EPHA7: variants seen among roughly 807,000 people sequenced by gnomAD.
The protein encoded by EPHA7 is EPH receptor A7, also known as ephrin type-A receptor 7.
In EPHA7, 25 loss-of-function variants were observed where a neutral mutation model predicts 112.6. The ratio of observed to expected loss-of-function variants is 0.22; its 90% CI spans 0.16 to 0.31. The LOEUF is 0.31. EPHA7 is among the 10% of genes least tolerant of loss of function. EPHA7 has a pLI of 1.00. For missense variants in EPHA7, 962 were observed against 1,212.6 expected, an observed-to-expected ratio of 0.79 and a Z score of 3.07; for synonymous variants, 437 against 406.5, an observed-to-expected ratio of 1.07 and a Z score of -0.90.
At chr6:93,411,276 A>G in intron 2 of EPHA7, 106 bp from the exon 3 acceptor site, 14 of 880,950 alleles carry the variant, frequency 1.6e-5, no homozygotes, top group Non-Finnish European at 2.5e-5. Flanking sequence ...AGTTAGGTTG[A>G]TTCCTATGCT....
chr6:93,417,881 C>T (rs1582705606), intron 1 of EPHA7, among the ~76,000 whole-genome samples: 1 of 151,956 alleles, frequency 6.6e-6, no homozygotes, highest in African/African-American at 2.4e-5. Context: ...GAAGGTCAGG[C>T]TGAAAGAAGG....
intron 12 of EPHA7, among the ~76,000 whole-genome samples, chr6:93,257,076 T>C (rs1018965215): frequency 1.3e-5 from 2 of 152,150 alleles, no homozygotes; most frequent in East Asian, 3.8e-4. Context: ...GAAATGGTTC[T>C]ACAGAGCAGA....
chr6:93,258,134 G>A lies in EPHA7; in HGVS notation c.2075C>T (p.Pro692Leu), dbSNP rs770820190. ...AACCCCTTCCAAATGGACAACATTC[G>A]GGTGGTCAAACTGCCCCATGATGCT... ...EASIMGQFDH[P>L]NVVHLEGVVT... The change falls in exon 11 of 17, where the codon CCG becomes CTG. Residue 692 changes from proline to leucine, a missense_variant. Physicochemically the swap from Pro to Leu is moderately conservative, Grantham distance 98 (BLOSUM62 -3). Transcript: ENST00000369303. 1.9e-6 allele frequency: 3 copies of A among 1,613,146 alleles called. No individual in the cohort carries two copies. The highest frequency in any genetic ancestry group is 2.5e-6 in the Non-Finnish European group (3 of 1,179,596).
intron 5 of EPHA7, among the ~76,000 whole-genome samples, chr6:93,353,169 C>T (rs1295025821): frequency 6.6e-6 from 1 of 151,980 alleles, no homozygotes; most frequent in Non-Finnish European, 1.5e-5. Context: ...AAATTAAATA[C>T]ATATGTTTTC....
intron 5 of EPHA7, among the ~76,000 whole-genome samples, chr6:93,343,169 C>T (rs942010501): frequency 6.6e-6 from 1 of 151,700 alleles, no homozygotes; most frequent in East Asian, 1.9e-4. Flanking sequence ...AAAATTTGAA[C>T]TCAAATTCCT....
chr6:93,397,569 TTA>T (rs963442683), intron 3 of EPHA7, among the ~76,000 whole-genome samples: 3 of 151,896 alleles, frequency 2.0e-5, no homozygotes, highest in Non-Finnish European at 4.4e-5. Flanking sequence ...CAGGATAGTG[TTA>T]TGTGTTCAAC....
chr6:93,295,116 G>C (rs934924389), intron 5 of EPHA7, among the ~76,000 whole-genome samples: 1 of 151,856 alleles, frequency 6.6e-6, no homozygotes, highest in Non-Finnish European at 1.5e-5. Flanking sequence ...AATGGGGAGA[G>C]AGAGAGAGAT....
At chr6:93,304,826 C>T (rs1314895228) in intron 5 of EPHA7, among the ~76,000 whole-genome samples, 2 of 152,020 alleles carry the variant, frequency 1.3e-5, no homozygotes, top group Non-Finnish European at 2.9e-5. Context: ...AAAAGACATG[C>T]CTCAGCCTCA....
intron 5 of EPHA7, among the ~76,000 whole-genome samples, chr6:93,296,443 ATAT>A (rs1370134113): frequency 2.5e-5 from 2 of 79,494 alleles, no homozygotes; most frequent in South Asian, 1.1e-3. Context: ...AAATATATAA[ATAT>A]ATATATAAAT....
At chr6:93,302,211 C>A (rs2127850991) in intron 5 of EPHA7, among the ~76,000 whole-genome samples, 1 of 152,272 alleles carries the variant, frequency 6.6e-6, no homozygotes, top group South Asian at 2.1e-4. Flanking sequence ...CAAGCTGTTG[C>A]TATTCAGACT....
intron 5 of EPHA7, among the ~76,000 whole-genome samples, chr6:93,278,717 G>A (rs909868861): frequency 6.7e-6 from 1 of 150,342 alleles, no homozygotes; most frequent in Non-Finnish European, 1.5e-5. Context: ...GTTTTTTTTT[G>A]TTGTTGTTGT....
At chr6:93,270,857 T>C (rs1562058364) in intron 6 of EPHA7, among the ~76,000 whole-genome samples, 2 of 151,806 alleles carry the variant, frequency 1.3e-5, no homozygotes. Context: ...TACATTACAA[T>C]ATAATACAAT....
chr6:93,259,214 ACAG>A, intron 10 of EPHA7, 137 bp downstream of exon 10: 1 of 946,408 alleles, frequency 1.1e-6, no homozygotes, highest in Non-Finnish European at 1.5e-6. Context: ...ATAAACAAGT[ACAG>A]CCTCACTGCT....
At chr6:93,307,755 C>T (rs2127859264) in intron 5 of EPHA7, among the ~76,000 whole-genome samples, 1 of 152,118 alleles carries the variant, frequency 6.6e-6, no homozygotes, top group African/African-American at 2.4e-5. Flanking sequence ...GTTTTAATTC[C>T]CTAATGAGTG....
intron 3 of EPHA7, among the ~76,000 whole-genome samples, chr6:93,407,939 A>T (rs1778797799): frequency 6.6e-6 from 1 of 151,974 alleles, no homozygotes; most frequent in South Asian, 2.1e-4. Context: ...TGCTTTTCTT[A>T]CTAAATTCTA....
intron 5 of EPHA7, among the ~76,000 whole-genome samples, chr6:93,326,926 C>T (rs1774351074): frequency 6.6e-6 from 1 of 151,574 alleles, no homozygotes; most frequent in South Asian, 2.1e-4. Flanking sequence ...CCAACTTAGC[C>T]AAACCCATTC....
At chr6:93,260,765 C>T in intron 9 of EPHA7, 2 of 974,624 alleles carry the variant, frequency 2.1e-6, no homozygotes, top group Non-Finnish European at 2.4e-6. Flanking sequence ...GACAGATGCT[C>T]ATTTGTTACT....
At position 93,417,601 on chromosome 6, in the gene EPHA7, C is replaced by G. The variant is rs181423397; in HGVS notation, c.97+1644G>C. Among the ~76,000 whole-genome samples the G allele has an allele frequency of 3.0e-4, 46 of 152,292 alleles. 1 individual carries two copies. The highest frequency in any genetic ancestry group is 1.0e-3 in the African/African-American group (43 of 41,562). On this transcript the variant is annotated intron_variant, in intron 1 of 16. Transcript: ENST00000369303. ...GTTATTTATAGCCCAAACTCCAGCC[C>G]GAGTCTGCGTGTGTTCGCGCGCGGG...
At chr6:93,266,465 A>G (rs1277816220) in intron 7 of EPHA7, among the ~76,000 whole-genome samples, 1 of 151,716 alleles carries the variant, frequency 6.6e-6, no homozygotes, top group Non-Finnish European at 1.5e-5. Context: ...TCAGGGTCGT[A>G]CTTTAATCTT....
Sources: allele counts gnomAD v4.1 joint callset (sites outside exome capture counted in the v4.1 genomes callset), GRCh38; gene constraint gnomAD v4.1.1; transcripts MANE v1.5; gene names NCBI Gene and HGNC (gene_info 2026-07-23, HGNC 2026-07-21).